INPP4B: variants seen among roughly 807,000 people sequenced by gnomAD.
INPP4B encodes inositol polyphosphate-4-phosphatase type II B, also known as inositol polyphosphate 4-phosphatase type II.
A neutral mutation model predicts 122.5 loss-of-function variants in INPP4B; 55 were observed. The ratio of observed to expected loss-of-function variants is 0.45; its 90% CI spans 0.36 to 0.56. The LOEUF is 0.56. Among genes scored for constraint, INPP4B ranks in the 20% least tolerant of loss-of-function variants. The pLI is 0.00. For synonymous variants in INPP4B, 403 were observed against 388.7 expected (o/e 1.04, Z -0.43); for missense variants, 1,000 against 1,097.7 (o/e 0.91, Z 1.26).
intron 2 of INPP4B, among the ~76,000 whole-genome samples, chr4:142,626,980 G>C (rs1421956174): frequency 6.6e-6 from 1 of 151,934 alleles, no homozygotes; most frequent in African/African-American, 2.4e-5. Context: ...ATGATTAAAG[G>C]ATCCTGCTTG....
chr4:142,041,463 C>T (rs1747438911), intron 25 of INPP4B, among the ~76,000 whole-genome samples: 1 of 151,918 alleles, frequency 6.6e-6, no homozygotes, highest in South Asian at 2.1e-4. Flanking sequence ...ACTAAAAATA[C>T]AAAAATTAGC....
intron 2 of INPP4B, among the ~76,000 whole-genome samples, chr4:142,611,420 T>C (rs1279727896): frequency 6.6e-6 from 1 of 152,106 alleles, no homozygotes; most frequent in Non-Finnish European, 1.5e-5. Flanking sequence ...ATTTCATGTT[T>C]GTTTGTTTTG....
At chr4:142,738,363 A>G (rs543762233) in intron 1 of INPP4B, among the ~76,000 whole-genome samples, 36 of 152,284 alleles carry the variant, frequency 2.4e-4, no homozygotes, top group Non-Finnish European at 4.9e-4. Flanking sequence ...AAAAGGACAA[A>G]AAACCAAACA....
chr4:142,560,786 A>C (rs1316324831), intron 2 of INPP4B: 1 of 152,222 alleles, frequency 6.6e-6, no homozygotes, highest in East Asian at 1.9e-4. Flanking sequence ...CCCAGATTGA[A>C]CGTGTGTCTG....
intron 8 of INPP4B, among the ~76,000 whole-genome samples, chr4:142,306,129 T>C (rs79685682): frequency 0.013 from 2,048 of 152,284 alleles, 47 homozygotes; most frequent in African/African-American, 0.047. Flanking sequence ...GTTACATTTT[T>C]TTAAATTGCT....
chr4:142,568,289 T>C (rs141218651), intron 2 of INPP4B, among the ~76,000 whole-genome samples: 2,776 of 152,266 alleles, frequency 0.018, 56 homozygotes, highest in Non-Finnish European at 0.028. Flanking sequence ...TGGCCTTACT[T>C]TGTAAGACCT....
intron 23 of INPP4B, among the ~76,000 whole-genome samples, chr4:142,087,510 C>CTGT (rs1422254682): frequency 6.6e-6 from 1 of 152,156 alleles, no homozygotes; most frequent in Admixed American, 6.5e-5. Flanking sequence ...TGGATAAGTA[C>CTGT]TGTATAGTAT....
intron 7 of INPP4B, among the ~76,000 whole-genome samples, chr4:142,376,586 C>T (rs980501465): frequency 6.6e-6 from 1 of 151,998 alleles, no homozygotes; most frequent in South Asian, 2.1e-4. Context: ...AAAAGTGAGT[C>T]CCTTTCCCTC....
chr4:142,481,979 C>A (rs1162383521), intron 2 of INPP4B, among the ~76,000 whole-genome samples: 1 of 152,178 alleles, frequency 6.6e-6, no homozygotes, highest in Non-Finnish European at 1.5e-5. Context: ...GCCAGATACA[C>A]AAAGTAGCTG....
chr4:142,775,375 A>C (rs985982210), intron 1 of INPP4B, among the ~76,000 whole-genome samples: 1 of 152,200 alleles, frequency 6.6e-6, no homozygotes, highest in Non-Finnish European at 1.5e-5. Flanking sequence ...ATTCATTTGC[A>C]TCAGATACTT....
At chr4:142,336,118 A>T (rs1579773490) in intron 7 of INPP4B, among the ~76,000 whole-genome samples, 3 of 152,110 alleles carry the variant, frequency 2.0e-5, no homozygotes, top group African/African-American at 7.2e-5. Context: ...AGGGCTACCC[A>T]CTCTCGGGTT....
chr4:142,093,281 T>G (rs889699351), intron 23 of INPP4B, among the ~76,000 whole-genome samples: 2 of 152,144 alleles, frequency 1.3e-5, no homozygotes, highest in African/African-American at 4.8e-5. Flanking sequence ...CCCCCAGGTA[T>G]TCTTCCTTTC....
chr4:142,273,039 A>G (rs1467185177), intron 9 of INPP4B, among the ~76,000 whole-genome samples: 1 of 152,030 alleles, frequency 6.6e-6, no homozygotes, highest in African/African-American at 2.4e-5. Flanking sequence ...ATATTGGTTA[A>G]AAGTGTGAAC....
intron 25 of INPP4B, among the ~76,000 whole-genome samples, chr4:142,059,967 A>G (rs1315536523): frequency 6.6e-6 from 1 of 152,176 alleles, no homozygotes; most frequent in Non-Finnish European, 1.5e-5. Flanking sequence ...ACCAAGTTAA[A>G]TTACCTACTT....
At chr4:142,373,093 C>A (rs1790503974) in intron 7 of INPP4B, among the ~76,000 whole-genome samples, 1 of 151,998 alleles carries the variant, frequency 6.6e-6, no homozygotes, top group Admixed American at 6.6e-5. Context: ...TAGCTGCAGG[C>A]TCTAACAATG....
chr4:142,545,222 T>G (rs555607245), intron 2 of INPP4B, among the ~76,000 whole-genome samples: 5 of 152,340 alleles, frequency 3.3e-5, no homozygotes, highest in African/African-American at 1.2e-4. Context: ...TTTAATGTAG[T>G]TACTGTACAG....
At chr4:142,663,705 T>C (rs1402156871) in intron 2 of INPP4B, among the ~76,000 whole-genome samples, 4 of 152,138 alleles carry the variant, frequency 2.6e-5, no homozygotes, top group Admixed American at 2.0e-4. Context: ...GTAAAATTAA[T>C]ATATTTATAA....
intron 15 of INPP4B, among the ~76,000 whole-genome samples, chr4:142,187,162 A>G (rs999876482): frequency 3.9e-5 from 6 of 152,128 alleles, no homozygotes; most frequent in African/African-American, 1.4e-4. Context: ...CTTCAAAATG[A>G]TATATTGTCA....
At chr4:142,157,936 C>T (rs1818075135) in intron 17 of INPP4B, among the ~76,000 whole-genome samples, 2 of 152,116 alleles carry the variant, frequency 1.3e-5, no homozygotes, top group South Asian at 4.1e-4. Flanking sequence ...GCCCCACCCA[C>T]CCTCACATCT....
Sources: gnomAD v4.1 joint callset for allele counts (sites outside exome capture counted in the v4.1 genomes callset) on GRCh38, gnomAD v4.1.1 for gene constraint, MANE v1.5 for transcripts, NCBI Gene and HGNC (gene_info 2026-07-23, HGNC 2026-07-21) for gene names.